The following MAPK10 variants were observed in gnomAD, a reference collection of about 807,000 sequenced individuals.
MAPK10 encodes the protein JNK3 alpha protein kinase.
A neutral mutation model predicts 59.3 loss-of-function variants in MAPK10; 25 were observed. The ratio of observed to expected loss-of-function variants is 0.42; its 90% CI spans 0.31 to 0.59. The LOEUF (loss-of-function observed/expected upper bound fraction) is 0.59, where lower values mean the gene tolerates loss of function less well. Ranked by LOEUF, MAPK10 falls within the 20% of genes least tolerant of loss-of-function variation. The probability of loss-of-function intolerance (pLI) is 0.15; values close to 1 mark genes in which losing one functional copy is unlikely to be tolerated. For synonymous variants in MAPK10, 190 were observed against 200.5 expected, an observed-to-expected ratio of 0.95 and a Z score of 0.44; for missense variants, 351 against 568.9, an observed-to-expected ratio of 0.62 and a Z score of 3.90.
chr4:86,341,839 G>A (rs1277892151), intron 2 of MAPK10, among the ~76,000 whole-genome samples: 1 of 12,200 alleles, frequency 8.2e-5, no homozygotes, highest in African/African-American at 1.4e-4. Flanking sequence ...AAAAAACACC[G>A]GCAGCTACTG....
intron 1 of MAPK10, among the ~76,000 whole-genome samples, chr4:86,474,265 A>G: frequency 6.6e-6 from 1 of 152,204 alleles, no homozygotes; most frequent in East Asian, 1.9e-4. Flanking sequence ...TTAATATGGA[A>G]AGTTCTAAAA....
chr4:86,512,005 A>C (rs1369492397), intron 1 of MAPK10, among the ~76,000 whole-genome samples: 1 of 152,188 alleles, frequency 6.6e-6, no homozygotes, highest in Non-Finnish European at 1.5e-5. Context: ...TGCTGAATTC[A>C]TGAAACTACT....
chr4:86,156,786 C>A (rs2149221680), intron 4 of MAPK10, among the ~76,000 whole-genome samples: 1 of 152,116 alleles, frequency 6.6e-6, no homozygotes, highest in East Asian at 1.9e-4. Context: ...AGACCCTCTT[C>A]TGATGATTGG....
chr4:86,360,864 A>G (rs1736807838), upstream of MAPK10, among the ~76,000 whole-genome samples: 1 of 152,196 alleles, frequency 6.6e-6, no homozygotes, highest in South Asian at 2.1e-4. Flanking sequence ...TACTTGCACT[A>G]TAAAAAAAAA....
rs1741527338 is a variant in MAPK10, at chr4:86,012,179, G to A, written c.*5049C>T. Reference sequence around the variant, plus strand: ...TTACTGAATTGCAGATATACAACTAGTATCTACAGACAGAAATGAAGGTCA... The same window carrying A: ...TTACTGAATTGCAGATATACAACTAATATCTACAGACAGAAATGAAGGTCA... On this transcript the variant is annotated 3_prime_UTR_variant, in exon 14 of 14. Transcript: ENST00000641462. 1 of 152,048 alleles carries A rather than the reference G, an allele frequency of 6.6e-6. No individual in the cohort carries two copies. The highest frequency in any genetic ancestry group is 1.5e-5 in the Non-Finnish European group (1 of 68,010). The allele number at this position is 152,048 out of a possible 1,614,324, so 9.4% of individuals were successfully genotyped here.
intron 1 of MAPK10, among the ~76,000 whole-genome samples, chr4:86,509,461 CAA>C (rs754265099): frequency 1.9e-5 from 2 of 105,664 alleles, no homozygotes. Flanking sequence ...AAACGCTGAC[CAA>C]AAAAAAAAAA....
intron 1 of MAPK10, among the ~76,000 whole-genome samples, chr4:86,591,783 C>A (rs1449482558): frequency 6.6e-6 from 1 of 152,044 alleles, no homozygotes; most frequent in Non-Finnish European, 1.5e-5. Flanking sequence ...CAAATGACAA[C>A]CCTGACTTAT....
chr4:86,171,287 C>G (rs1288615302), intron 3 of MAPK10, among the ~76,000 whole-genome samples: 1 of 152,072 alleles, frequency 6.6e-6, no homozygotes, highest in Non-Finnish European at 1.5e-5. Flanking sequence ...AACCTAGGAG[C>G]TGGTTTTTTG....
At position 86,159,342 on chromosome 4, in the gene MAPK10, G is replaced by A. The variant is rs762688533; in HGVS notation, c.192C>T (p.Tyr64=). The change falls in exon 4 of 14, where the codon TAC becomes TAT. Residue 64 remains tyrosine, a synonymous_variant. Coordinates refer to ENST00000641462, the MANE Select transcript of MAPK10 (RefSeq NM_138982.4). ...CAGAGCCAATAGGCTTTAGATTCTGGTAGCGCTTGAGAACTGTGAAGGTTG... is the reference window on the plus strand; with the variant it reads ...CAGAGCCAATAGGCTTTAGATTCTGATAGCGCTTGAGAACTGTGAAGGTTG... ...GDSTFTVLKR[Y]QNLKPIGSGA... 7 of 1,612,098 alleles carry A rather than the reference G, an allele frequency of 4.3e-6. No individual in the cohort carries two copies. The highest frequency in any genetic ancestry group is 3.3e-4 in the Middle Eastern group (2 of 6,074).
In MAPK10 at chr4:86,446,286, C is replaced by T. The variant is rs142291753; in HGVS notation, c.-122+6744G>A. ...ACTAAATAAAGTAAAATCGTGGTAG[C>T]AATGTCCATTTCATAGATGCCATAG... On this transcript the variant is annotated intron_variant, in intron 1 of 13. Coordinates refer to the MAPK10 transcript ENST00000361569. 3.0e-3 allele frequency among the ~76,000 whole-genome samples: 449 copies of T among 152,202 alleles called. 1 individual carries two copies. Among genetic ancestry groups the T allele is most frequent in the Non-Finnish European group, 3.9e-3 (265 of 68,012 alleles).
chr4:86,286,878 G>T (rs558965745), intron 2 of MAPK10, among the ~76,000 whole-genome samples: 1 of 152,294 alleles, frequency 6.6e-6, no homozygotes, highest in Admixed American at 6.5e-5. Flanking sequence ...CCTCACAGAA[G>T]AGAAGTTTAA....
At chr4:86,155,551 A>G (rs947149796) in intron 4 of MAPK10, among the ~76,000 whole-genome samples, 2 of 151,990 alleles carry the variant, frequency 1.3e-5, no homozygotes, top group African/African-American at 4.8e-5. Context: ...CTGAAACTGG[A>G]TAATAGTGAA....
chr4:86,075,481 A>C (rs1187565547), intron 9 of MAPK10, among the ~76,000 whole-genome samples: 1 of 151,874 alleles, frequency 6.6e-6, no homozygotes, highest in Non-Finnish European at 1.5e-5. Flanking sequence ...TGCGTTTTAG[A>C]GTTTCCAGTT....
chr4:86,523,818 CA>C (rs1757286311), intron 1 of MAPK10, among the ~76,000 whole-genome samples: 1 of 152,190 alleles, frequency 6.6e-6, no homozygotes, highest in Non-Finnish European at 1.5e-5. Flanking sequence ...TTTCATCTGG[CA>C]AATTCAAAAA....
At chr4:86,513,986 C>G (rs376081640) in intron 1 of MAPK10, among the ~76,000 whole-genome samples, 24 of 152,094 alleles carry the variant, frequency 1.6e-4, no homozygotes, top group African/African-American at 5.6e-4. Context: ...GAAGACCAGA[C>G]CAAACCAGGA....
At chr4:86,311,584 A>G in intron 2 of MAPK10, among the ~76,000 whole-genome samples, 1 of 152,130 alleles carries the variant, frequency 6.6e-6, no homozygotes, top group East Asian at 1.9e-4. Context: ...GAAATAGTCT[A>G]CATATCTAGT....
At chr4:86,101,614 T>A (rs2055411917) in intron 7 of MAPK10, among the ~76,000 whole-genome samples, 2 of 152,214 alleles carry the variant, frequency 1.3e-5, no homozygotes, top group South Asian at 2.1e-4. Flanking sequence ...TGAATTTTCT[T>A]ATTTCAGTTG....
chr4:86,510,871 G>C (rs1756177169), intron 1 of MAPK10, among the ~76,000 whole-genome samples: 1 of 152,164 alleles, frequency 6.6e-6, no homozygotes, highest in Non-Finnish European at 1.5e-5. Context: ...ATGGTTACCA[G>C]AGGCTAGGAA....
intron 2 of MAPK10, among the ~76,000 whole-genome samples, chr4:86,240,666 C>CTT (rs201751835): frequency 2.7e-5 from 4 of 148,982 alleles, no homozygotes; most frequent in African/African-American, 1.0e-4. Flanking sequence ...CAACCCGTGC[C>CTT]TTTTTATTTT....
Sources: gnomAD v4.1 joint callset for allele counts (sites outside exome capture counted in the v4.1 genomes callset) on GRCh38, gnomAD v4.1.1 for gene constraint, MANE v1.5 for transcripts, NCBI Gene and HGNC (gene_info 2026-07-23, HGNC 2026-07-21) for gene names.